Variants in CCDC93 observed in about 807,000 individuals in gnomAD.
CCDC93 encodes the protein coiled-coil domain-containing protein 93.
Under a neutral mutation model 108.2 loss-of-function variants are expected in CCDC93, and 61 were observed. The ratio of observed to expected loss-of-function variants is 0.56; its 90% CI spans 0.46 to 0.70. CCDC93 has a LOEUF of 0.70. Among genes scored for constraint, CCDC93 ranks in the 30% least tolerant of loss-of-function variants. The probability of loss-of-function intolerance (pLI) is 0.00; values close to 1 mark genes in which losing one functional copy is unlikely to be tolerated. For missense variants in CCDC93, 685 were observed against 764.2 expected (o/e 0.90, Z 1.22); for synonymous variants, 276 against 260.4 (o/e 1.06, Z -0.58).
chr2:117,994,274 C>T (rs1486772237), intron 6 of CCDC93, among the ~76,000 whole-genome samples: 1 of 152,144 alleles, frequency 6.6e-6, no homozygotes, highest in African/African-American at 2.4e-5. Context: ...CTAAACTGAA[C>T]ACCTATTTCA....
At chr2:117,960,373 A>T (rs1425692351) in intron 11 of CCDC93, among the ~76,000 whole-genome samples, 1 of 152,130 alleles carries the variant, frequency 6.6e-6, no homozygotes, top group African/African-American at 2.4e-5. Context: ...TCCACGTATC[A>T]CTCACCTTCC....
At chr2:117,923,552 G>A (rs902769549) in intron 23 of CCDC93, among the ~76,000 whole-genome samples, 2 of 152,178 alleles carry the variant, frequency 1.3e-5, no homozygotes, top group African/African-American at 4.8e-5. Flanking sequence ...CTGCAAGGCG[G>A]CAGTGAGGCT....
chr2:117,952,360 T>C lies in CCDC93; in HGVS notation c.1068+13A>G, dbSNP rs1462607695. 6.3e-7 allele frequency: 1 copy of C among 1,581,854 alleles called. No homozygotes were observed. On this transcript the variant is annotated intron_variant, in intron 13 of 23. Transcript: ENST00000376300. The stretch of plus-strand genomic sequence containing the variant: ...ACAAGGGCCCACAGAAGAAGGAGAA[T>C]CTATCTGCTCACCTCTGTCAGCGTT...
chr2:117,986,931 G>A (rs562929304), intron 6 of CCDC93, among the ~76,000 whole-genome samples: 10 of 151,180 alleles, frequency 6.6e-5, no homozygotes, highest in African/African-American at 2.2e-4. Flanking sequence ...GCCTGGTTTA[G>A]CTTCCACTGA....
At chr2:118,008,002 T>C (rs1421319429) in intron 2 of CCDC93, among the ~76,000 whole-genome samples, 1 of 152,224 alleles carries the variant, frequency 6.6e-6, no homozygotes, top group African/African-American at 2.4e-5. Flanking sequence ...TTGTCTCTCA[T>C]CCCCACTCTA....
chr2:117,994,091 A>C (rs1163831229), intron 6 of CCDC93, among the ~76,000 whole-genome samples: 1 of 152,222 alleles, frequency 6.6e-6, no homozygotes, highest in Admixed American at 6.5e-5. Context: ...AAAACCACAA[A>C]ATTATCTTTA....
chr2:117,955,786 G>A (rs375667923), intron 12 of CCDC93, among the ~76,000 whole-genome samples: 4 of 151,976 alleles, frequency 2.6e-5, no homozygotes, highest in Admixed American at 6.6e-5. Flanking sequence ...ACAGAGAGAC[G>A]TCTGTGATAC....
At chr2:117,939,706 G>A (rs1035338143) in intron 19 of CCDC93, among the ~76,000 whole-genome samples, 1 of 152,216 alleles carries the variant, frequency 6.6e-6, no homozygotes, top group African/African-American at 2.4e-5. Flanking sequence ...TCCCAGCCTA[G>A]TGGGGCCGGG....
intron 8 of CCDC93, among the ~76,000 whole-genome samples, chr2:117,975,574 C>CT (rs1425639703): frequency 6.6e-6 from 1 of 152,222 alleles, no homozygotes; most frequent in Non-Finnish European, 1.5e-5. Context: ...CTTCCCCCTA[C>CT]TTTAACACTT....
chr2:117,955,445 T>C (rs1297294162), intron 12 of CCDC93, among the ~76,000 whole-genome samples: 1 of 152,130 alleles, frequency 6.6e-6, no homozygotes, highest in Non-Finnish European at 1.5e-5. Flanking sequence ...AACAACTCAA[T>C]AGTTTCTAGC....
chr2:117,949,687 T>C, intron 13 of CCDC93: 1 of 862,260 alleles, frequency 1.2e-6, no homozygotes, highest in Non-Finnish European at 1.4e-6. Context: ...GATGTGAATG[T>C]GTTACTTATT....
chr2:117,930,886 C>T lies in CCDC93; in HGVS notation c.1842+151G>A, dbSNP rs75728745. The T allele has an allele frequency of 1.6e-3, 902 of 564,694 alleles. 5 individuals carry two copies. The highest frequency in any genetic ancestry group is 0.011 in the African/African-American group (577 of 53,274). 35.0% of individuals were successfully genotyped at this position (564,694 alleles called of 1,614,324 possible). A position where few individuals can be genotyped will look rare whatever the true frequency, so the allele number is the denominator to read the frequency against. ...AAAACGCAATCTTCAGCTACCTAGA[C>T]GCCACACTTCACTGCCAGATCACAC... On this transcript the variant is annotated intron_variant, in intron 23 of 23. Transcript: ENST00000376300.
chr2:117,982,233 C>T (rs1041186015), intron 7 of CCDC93, among the ~76,000 whole-genome samples: 5 of 152,048 alleles, frequency 3.3e-5, no homozygotes, highest in African/African-American at 1.2e-4. Flanking sequence ...TGCTCCAAAC[C>T]TCCTCTTGCA....
intron 19 of CCDC93, among the ~76,000 whole-genome samples, chr2:117,939,864 A>G (rs1193910050): frequency 6.6e-6 from 1 of 152,216 alleles, no homozygotes; most frequent in East Asian, 1.9e-4. Context: ...CTATGGACTC[A>G]GGTACCAGCT....
At chr2:117,996,605 C>G in intron 4 of CCDC93, 2 of 349,452 alleles carry the variant, frequency 5.7e-6, no homozygotes, top group Non-Finnish European at 1.1e-5. Flanking sequence ...TACTTCACAT[C>G]CTTGAGCCTC....
intron 23 of CCDC93, among the ~76,000 whole-genome samples, chr2:117,923,937 G>A (rs1677983261): frequency 6.6e-6 from 1 of 152,184 alleles, no homozygotes; most frequent in Non-Finnish European, 1.5e-5. Flanking sequence ...AAAACTTCCA[G>A]AGGAATGATC....
intron 23 of CCDC93, among the ~76,000 whole-genome samples, chr2:117,924,878 A>G (rs1678022190): frequency 1.3e-5 from 2 of 152,210 alleles, no homozygotes; most frequent in South Asian, 4.1e-4. Context: ...GACAGAGAGA[A>G]AGCTCAGGTT....
chr2:117,920,870 T>C (rs1677837266), intron 23 of CCDC93, among the ~76,000 whole-genome samples: 1 of 151,884 alleles, frequency 6.6e-6, no homozygotes, highest in African/African-American at 2.4e-5. Context: ...ACTCAGAAAA[T>C]AGGATAAGAG....
In CCDC93 at chr2:117,932,719, C is replaced by A. The variant is rs1380391371; in HGVS notation, c.1729-1569G>T. 7.9e-5 allele frequency among the ~76,000 whole-genome samples: 12 copies of A among 152,166 alleles called. 1 individual carries two copies. The highest frequency in any genetic ancestry group is 1.5e-4 in the Non-Finnish European group (10 of 68,034). On this transcript the variant is annotated intron_variant, in intron 22 of 23. Coordinates refer to ENST00000376300, the MANE Select transcript of CCDC93 (RefSeq NM_019044.5). ...AAGTCCTGATCCCTGTCGATGGAAC[C>A]CCTAATGCTGCCTGCATGGGTCTCT...
Sources: allele counts gnomAD v4.1 joint callset (sites outside exome capture counted in the v4.1 genomes callset), GRCh38; gene constraint gnomAD v4.1.1; transcripts MANE v1.5; gene names NCBI Gene and HGNC (gene_info 2026-07-23, HGNC 2026-07-21).